Variants in VPS26A observed in about 807,000 individuals in gnomAD.
The protein encoded by VPS26A is vacuolar protein sorting-associated protein 26A.
VPS26A carries 22 observed loss-of-function variants against 42.4 expected under a neutral mutation model. The ratio of observed to expected loss-of-function variants is 0.52; its 90% CI spans 0.37 to 0.74. VPS26A has a LOEUF of 0.74. Among genes scored for constraint, VPS26A ranks in the 30% least tolerant of loss-of-function variants. VPS26A has a pLI of 0.00. For missense variants in VPS26A, 276 were observed against 379.2 expected (o/e 0.73, Z 2.26); for synonymous variants, 110 against 123.5 (o/e 0.89, Z 0.73).
chr10:69,139,476 A>G (rs1428057508), intron 2 of VPS26A, among the ~76,000 whole-genome samples: 1 of 151,782 alleles, frequency 6.6e-6, no homozygotes, highest in African/African-American at 2.4e-5. Context: ...GCTAGTTTTT[A>G]AATTTTTAGT....
chr10:69,148,090 T>G (rs1489882658), intron 2 of VPS26A, among the ~76,000 whole-genome samples: 1 of 152,138 alleles, frequency 6.6e-6, no homozygotes, highest in Non-Finnish European at 1.5e-5. Context: ...AAATATGAAA[T>G]AGCTACTGTC....
intron 2 of VPS26A, among the ~76,000 whole-genome samples, chr10:69,153,328 G>A (rs948510859): frequency 6.6e-6 from 1 of 151,670 alleles, no homozygotes; most frequent in Non-Finnish European, 1.5e-5. Flanking sequence ...AAGATTACAG[G>A]CATGAGCCAC....
At position 69,149,521 on chromosome 10, in the gene VPS26A, T is replaced by C. The variant is rs572514002; in HGVS notation, c.154-6291T>C. ...ATTATTGGAACACATTTAAAATTTT[T>C]TTTTAAGACAGTGTCTCCTGTCGCC... is the stretch of plus-strand genomic sequence containing the variant. On this transcript the variant is annotated intron_variant, in intron 2 of 8. Transcript: ENST00000263559. 3.3e-5 allele frequency among the ~76,000 whole-genome samples: 5 copies of C among 152,210 alleles called. No individual in the cohort carries two copies. In the East Asian group the frequency reaches 9.7e-4, roughly 29 times the overall value.
Position 69,125,470 on chromosome 10 carries a change from T to C in VPS26A, c.3+1190T>C, listed in dbSNP as rs1487594799. 2.0e-5 allele frequency among the ~76,000 whole-genome samples: 3 copies of C among 152,318 alleles called. No homozygotes were observed. In the East Asian group the frequency reaches 5.8e-4, roughly 29 times the overall value. On this transcript the variant is annotated intron_variant, in intron 1 of 8. Coordinates refer to ENST00000263559, the MANE Select transcript of VPS26A (RefSeq NM_004896.5). ...TAAATTATTTGTTTAACGTGGAAATTAGAATTGTGACAGATACTAAGAAGG... is the reference window on the plus strand; with the variant it reads ...TAAATTATTTGTTTAACGTGGAAATCAGAATTGTGACAGATACTAAGAAGG...
At chr10:69,125,573 AG>A (rs1372072896) in intron 1 of VPS26A, among the ~76,000 whole-genome samples, 1 of 151,710 alleles carries the variant, frequency 6.6e-6, no homozygotes, top group Non-Finnish European at 1.5e-5. Context: ...AAAACTTAAA[AG>A]GTCCTCCTAT....
intron 6 of VPS26A, among the ~76,000 whole-genome samples, chr10:69,164,780 T>C (rs1327292672): frequency 6.6e-6 from 1 of 152,208 alleles, no homozygotes; most frequent in Non-Finnish European, 1.5e-5. Flanking sequence ...TCATTTGAAA[T>C]GTGTTGTGAT....
intron 2 of VPS26A, among the ~76,000 whole-genome samples, chr10:69,148,658 C>T (rs912708838): frequency 2.6e-5 from 4 of 151,958 alleles, no homozygotes; most frequent in African/African-American, 9.7e-5. Flanking sequence ...AATGTAACTC[C>T]TTAAATAAAT....
chr10:69,135,222 A>G (rs916159649), intron 2 of VPS26A, among the ~76,000 whole-genome samples: 3 of 152,172 alleles, frequency 2.0e-5, no homozygotes, highest in African/African-American at 4.8e-5. Context: ...CATAAAATAC[A>G]TGATAGTGTT....
chr10:69,155,193 T>C lies in VPS26A; in HGVS notation c.154-619T>C, dbSNP rs371592442. Among the ~76,000 whole-genome samples, 16 of 152,302 alleles carry C rather than the reference T, an allele frequency of 1.1e-4. No individual in the cohort carries two copies. The South Asian group carries it at 3.3e-3, about 32-fold the overall frequency. On this transcript the variant is annotated intron_variant, in intron 2 of 8. Coordinates refer to ENST00000263559, the MANE Select transcript of VPS26A (RefSeq NM_004896.5). ...TAAATCATACTTGAATTTAAATCTTTAGGCATTCTGTTTTTATGGTGGGTA... is the reference window on the plus strand; with the variant it reads ...TAAATCATACTTGAATTTAAATCTTCAGGCATTCTGTTTTTATGGTGGGTA...
intron 5 of VPS26A, among the ~76,000 whole-genome samples, chr10:69,159,628 T>C (rs1006376106): frequency 2.6e-5 from 4 of 152,180 alleles, no homozygotes; most frequent in African/African-American, 4.8e-5. Context: ...TTAAATGTTA[T>C]ATGACAAGCT....
chr10:69,131,899 C>T (rs1840787253), intron 1 of VPS26A, among the ~76,000 whole-genome samples: 1 of 152,028 alleles, frequency 6.6e-6, no homozygotes, highest in African/African-American at 2.4e-5. Flanking sequence ...CTAATGGATT[C>T]TGTATTATTA....
rs111937262 is a variant in VPS26A at position 69,155,682 on chromosome 10, A to T, written c.154-130A>T. On this transcript the variant is annotated intron_variant, in intron 2 of 8. Transcript: ENST00000263559. ...GCTATAACATCATCCTGATTTAGGTATGTGGTGGTGTCTCAAACTTCATAA... is the reference window on the plus strand; with the variant it reads ...GCTATAACATCATCCTGATTTAGGTTTGTGGTGGTGTCTCAAACTTCATAA... The T allele has an allele frequency of 6.8e-4, 478 of 700,140 alleles. 1 individual carries two copies. In the African/African-American group the frequency reaches 7.4e-3, roughly 11 times the overall value. 43.4% of individuals were successfully genotyped at this position (700,140 alleles called of 1,614,324 possible). A position where few individuals can be genotyped will look rare whatever the true frequency, so the allele number is the denominator to read the frequency against.
intron 2 of VPS26A, among the ~76,000 whole-genome samples, chr10:69,134,796 A>T (rs1427784305): frequency 6.6e-6 from 1 of 152,020 alleles, no homozygotes; most frequent in Non-Finnish European, 1.5e-5. Context: ...CTTTTAAAAG[A>T]TGAAAAAAGA....
chr10:69,160,402 C>A (rs1328695918), intron 5 of VPS26A, among the ~76,000 whole-genome samples: 1 of 151,746 alleles, frequency 6.6e-6, no homozygotes, highest in African/African-American at 2.4e-5. Flanking sequence ...TCATGATCCA[C>A]CCGCCTTGGC....
At chr10:69,153,505 C>T (rs969733230) in intron 2 of VPS26A, among the ~76,000 whole-genome samples, 3 of 137,956 alleles carry the variant, frequency 2.2e-5, no homozygotes, top group Admixed American at 8.2e-5. Context: ...GCCCCAATAC[C>T]CAGCTAATTT....
intron 1 of VPS26A, among the ~76,000 whole-genome samples, chr10:69,126,115 A>T (rs1371129698): frequency 1.3e-5 from 2 of 152,186 alleles, no homozygotes. Flanking sequence ...GCAATATTCC[A>T]AATGCGCCCT....
intron 7 of VPS26A, among the ~76,000 whole-genome samples, chr10:69,166,651 A>G (rs752668141): frequency 5.3e-5 from 8 of 150,408 alleles, no homozygotes; most frequent in Non-Finnish European, 7.4e-5. Flanking sequence ...AGATGAGGCA[A>G]TGTAATCTTA....
chr10:69,127,093 A>ATTTTTTTTTTTTT (rs71035057), intron 1 of VPS26A, among the ~76,000 whole-genome samples: 1,060 of 97,478 alleles, frequency 0.011, no homozygotes, highest in Middle Eastern at 0.021. Context: ...CACCCGGCCA[A>ATTTTTTTTTTTTT]TTTTTTTTTT....
Position 69,159,380 on chromosome 10 carries a change from C to CA in VPS26A, c.551+1180dup, listed in dbSNP as rs1344299906. Among the ~76,000 whole-genome samples the CA allele has an allele frequency of 4.1e-3, 366 of 89,990 alleles. 3 individuals are homozygous for CA. The highest frequency in any genetic ancestry group is 0.015 in the East Asian group (51 of 3,378). The allele number at this position is 89,990 out of a possible 152,430, so 59.0% of individuals were successfully genotyped here. ...TGGGTGACAGAGGGAGACTCCATCT[C>CA]AAAAAAAAAAACAAAAAAAAAAGAT... On this transcript the variant is annotated intron_variant, in intron 5 of 8. Transcript: ENST00000263559.
Sources: gnomAD v4.1 joint callset for allele counts (sites outside exome capture counted in the v4.1 genomes callset) on GRCh38, gnomAD v4.1.1 for gene constraint, MANE v1.5 for transcripts, NCBI Gene and HGNC (gene_info 2026-07-23, HGNC 2026-07-21) for gene names.